The following ATXN2 variants were observed in gnomAD, a reference collection of about 807,000 sequenced individuals.
The protein encoded by ATXN2 is ataxin-2.
A neutral mutation model predicts 138.6 loss-of-function variants in ATXN2; 37 were observed. That is an observed-to-expected ratio of 0.27 (90% CI 0.21 to 0.35). ATXN2 has a LOEUF of 0.35. Among genes scored for constraint, ATXN2 ranks in the 10% least tolerant of loss-of-function variants. The probability of loss-of-function intolerance (pLI) is 1.00; values close to 1 mark genes in which losing one functional copy is unlikely to be tolerated. For missense variants in ATXN2, 1,216 were observed against 1,480.3 expected (o/e 0.82, Z 2.93); for synonymous variants, 549 against 543.7 (o/e 1.01, Z -0.13).
Position 111,598,993 on chromosome 12 carries a change from C to CTGCTGCTGCTGCTGCTGCTGCTGT in ATXN2, c.41_42insACAGCAGCAGCAGCAGCAGCAGCA (p.Gln21_Gln28dup), listed in dbSNP as rs1885107936. On this transcript the variant is annotated inframe_insertion, in exon 1 of 25. Transcript: ENST00000673436. This position sits in a 1 kb window ranked among gnomAD's most constrained non-coding sequence, Gnocchi z 4.5. Reference sequence around the variant, plus strand: ...GCTGCTGCTGTTGCTGCTGCTGCTGCTGCTGCTGCTGCTGCTGCTGCTGCT... The same window carrying CTGCTGCTGCTGCTGCTGCTGCTGT: ...GCTGCTGCTGTTGCTGCTGCTGCTGCTGCTGCTGCTGCTGCTGCTGCTGTTGCTGCTGCTGCTGCTGCTGCTGCT... 9.5e-6 allele frequency: 14 copies of CTGCTGCTGCTGCTGCTGCTGCTGT among 1,479,930 alleles called. No homozygotes were observed. In the African/African-American group the frequency reaches 1.8e-4, roughly 19 times the overall value. 91.7% of individuals were successfully genotyped at this position (1,479,930 alleles called of 1,614,324 possible).
At chr12:111,488,837 T>G in intron 14 of ATXN2, 57 bp from the exon 15 acceptor site, 1 of 1,411,906 alleles carries the variant, frequency 7.1e-7, no homozygotes, top group Middle Eastern at 2.4e-4. Flanking sequence ...TAATACATTT[T>G]TGCCATGAGC....
intron 14 of ATXN2, among the ~76,000 whole-genome samples, chr12:111,495,225 T>C (rs1878335606): frequency 6.6e-6 from 1 of 151,150 alleles, no homozygotes; most frequent in Non-Finnish European, 1.5e-5. Context: ...GGAGAATCGC[T>C]TGAACTCAGG....
chr12:111,487,990 T>C (rs1877753843), intron 15 of ATXN2, among the ~76,000 whole-genome samples: 1 of 152,200 alleles, frequency 6.6e-6, no homozygotes, highest in Non-Finnish European at 1.5e-5. Context: ...ATTTAATTAA[T>C]ATACTGAATG....
At chr12:111,525,885 T>C (rs1350526806) in intron 5 of ATXN2, among the ~76,000 whole-genome samples, 1 of 151,992 alleles carries the variant, frequency 6.6e-6, no homozygotes, top group African/African-American at 2.4e-5. Flanking sequence ...GGTTTCACCG[T>C]GTTAGCCAGG....
intron 10 of ATXN2, among the ~76,000 whole-genome samples, 165 bp from the exon 11 acceptor site, chr12:111,513,704 G>A (rs550699657): frequency 6.7e-6 from 1 of 148,726 alleles, no homozygotes; most frequent in Non-Finnish European, 1.5e-5. Context: ...TATTTTTTTG[G>A]CCATACTAAT....
At chr12:111,469,803 C>G in intron 20 of ATXN2, 2 of 387,956 alleles carry the variant, frequency 5.2e-6, no homozygotes, top group East Asian at 7.5e-5. Flanking sequence ...CAGGATATAC[C>G]AAAGCATAAT....
rs140242317 is a variant in ATXN2 at position 111,464,710 on chromosome 12, G to A, written c.2848C>T (p.Pro950Ser). The A allele has an allele frequency of 1.4e-3, 2,298 of 1,610,932 alleles. 3 individuals carry two copies. Among genetic ancestry groups the A allele is most frequent in the Non-Finnish European group, 1.8e-3 (2,141 of 1,177,712 alleles). ...GTCTCCTTGTTGTATGGTAATTTGG[G>A]ACATGCTGAATTTGGGAAATAGAAA... ...HEQTHAMYAC[P>S]KLPYNKETSP... Residue 950 changes from proline (P) to serine (S), a missense_variant, in exon 21 of 25, where the codon CCC becomes TCC. By Grantham distance (74) the Pro-to-Ser change is moderately conservative (BLOSUM62 -1). Around this residue, in one of 4 missense-constraint regions of ATXN2, gnomAD observed 490 missense variants for 653.5 expected, o/e 0.75. Coordinates refer to ENST00000673436, the MANE Select transcript of ATXN2 (RefSeq NM_001372574.1).
In ATXN2 at chr12:111,475,489, T is replaced by C. The variant is rs1278352969; in HGVS notation, c.2525-4747A>G. 2.0e-4 allele frequency among the ~76,000 whole-genome samples: 28 copies of C among 140,864 alleles called. No individual in the cohort carries two copies. The East Asian group carries it at 5.5e-3, about 28-fold the overall frequency. The allele number at this position is 140,864 out of a possible 152,430, so 92.4% of individuals were successfully genotyped here. ...AAAAAGATTTATCTTTTCTGTTTCTTTTTTTTTTTTTTTTTTTTAAGAGGG... is the reference window on the plus strand; with the variant it reads ...AAAAAGATTTATCTTTTCTGTTTCTCTTTTTTTTTTTTTTTTTTAAGAGGG... On this transcript the variant is annotated intron_variant, in intron 18 of 24. Transcript: ENST00000673436.
chr12:111,598,923 T>C lies in ATXN2; in HGVS notation c.112A>G (p.Lys38Glu), dbSNP rs2135862838. The change falls in exon 1 of 25, where the codon AAG becomes GAG. Residue 38 changes from lysine (K) to glutamate (E), a missense_variant. By Grantham distance (56) the Lys-to-Glu change is moderately conservative. This residue lies in a region of ATXN2 where 110 missense variants were observed against 88.7 expected (regional missense o/e 1.24). Transcript: ENST00000673436. This position sits in a 1 kb window ranked among gnomAD's most constrained non-coding sequence, Gnocchi z 4.5. ...QPPPAAANVR[K>E]PGGSGLLASP... ...GCTAGAAGGCCGCTGCCGCCGGGCT[T>C]GCGGACATTGGCAGCCGCGGGCGGC... The C allele has an allele frequency of 1.3e-6, 2 of 1,511,412 alleles. No individual in the cohort carries two copies. Among genetic ancestry groups the C allele is most frequent in the Middle Eastern group, 2.3e-4 (1 of 4,364 alleles). The allele number at this position is 1,511,412 out of a possible 1,614,324, so 93.6% of individuals were successfully genotyped here.
rs191808783 is a variant in ATXN2 at position 111,522,659 on chromosome 12, T to G, written c.697-1686A>C. Among the ~76,000 whole-genome samples, 4 of 152,076 alleles carry G rather than the reference T, an allele frequency of 2.6e-5. No individual in the cohort carries two copies. The East Asian group carries it at 7.7e-4, about 29-fold the overall frequency. On this transcript the variant is annotated intron_variant, in intron 6 of 24. Coordinates refer to ENST00000673436, the MANE Select transcript of ATXN2 (RefSeq NM_001372574.1). ...CGGGCGCAGTGGCTCATGCCTGTAA[T>G]CCCAGCACTTTGAGAGGCCAAGGTG...
chr12:111,562,636 C>T (rs1444717927), intron 1 of ATXN2, among the ~76,000 whole-genome samples: 3 of 147,862 alleles, frequency 2.0e-5, no homozygotes, highest in African/African-American at 2.5e-5. Flanking sequence ...AGGAGAACTG[C>T]TTGAACCCGG....
At chr12:111,464,247 G>GGGGTGTGTGTGT (rs71445545) in intron 21 of ATXN2, among the ~76,000 whole-genome samples, 11 of 134,630 alleles carry the variant, frequency 8.2e-5, no homozygotes, top group South Asian at 2.5e-4. Flanking sequence ...TGTGGCTTGG[G>GGGGTGTGTGTGT]GTGTGTGTGT....
intron 14 of ATXN2, among the ~76,000 whole-genome samples, chr12:111,504,783 G>A (rs962106275): frequency 2.0e-5 from 3 of 152,106 alleles, no homozygotes; most frequent in African/African-American, 7.2e-5. Flanking sequence ...AATGGGCTGA[G>A]CACCAAGTCA....
Position 111,513,419 on chromosome 12 carries a change from G to C in ATXN2, c.1496C>G (p.Ala499Gly). 1 of 1,614,038 alleles carries C rather than the reference G, an allele frequency of 6.2e-7. No homozygotes were observed. Among genetic ancestry groups the C allele is most frequent in the East Asian group, 2.2e-5 (1 of 44,870 alleles). ...FVSHNPPSEA[A>G]TPPVARTSPS... is the part of the protein sequence containing the mutation. ...ACTGGTCCTTGCTACTGGAGGAGTA[G>C]CTGCTTCACTGGGTGGGTTGTGGGA... The change falls in exon 11 of 25, where the codon GCT (alanine) becomes GGT (glycine). Residue 499 changes from alanine to glycine, a missense_variant. By Grantham distance (60) the Ala-to-Gly change is moderately conservative. This residue lies in a region of ATXN2 where 215 missense variants were observed against 210.0 expected (regional missense o/e 1.02). Coordinates refer to ENST00000673436, the MANE Select transcript of ATXN2 (RefSeq NM_001372574.1).
chr12:111,490,642 T>C (rs1409309482), intron 14 of ATXN2, among the ~76,000 whole-genome samples: 1 of 152,046 alleles, frequency 6.6e-6, no homozygotes. Flanking sequence ...AGCACCTTCA[T>C]AAGAACCAAA....
chr12:111,479,029 A>T (rs1196904781), intron 18 of ATXN2: 2 of 351,140 alleles, frequency 5.7e-6, no homozygotes, highest in East Asian at 4.0e-5. Context: ...AATAAATAAA[A>T]AATAAAATAA....
rs1414599707 is a variant in ATXN2 at position 111,485,288 on chromosome 12, G to C, written c.2501C>G (p.Ala834Gly). 1 of 1,612,776 alleles carries C rather than the reference G, an allele frequency of 6.2e-7. No individual in the cohort carries two copies. ...IPMTPMPVNQ[A>G]KTYRAGKVPN... is the part of the protein sequence containing the mutation. ...ACCTTTACCTGCTCTATATGTCTTG[G>C]CTTGATTCACTGGCATGGGCGTCAT... The change falls in exon 18 of 25, where the codon GCC becomes GGC. Residue 834 changes from alanine (A) to glycine (G), a missense_variant. Physicochemically the swap from Ala to Gly is moderately conservative, Grantham distance 60. This residue lies in a region of ATXN2 where 490 missense variants were observed against 653.5 expected (regional missense o/e 0.75). Transcript: ENST00000673436.
chr12:111,589,216 G>C (rs1251726487), intron 1 of ATXN2, among the ~76,000 whole-genome samples: 1 of 151,740 alleles, frequency 6.6e-6, no homozygotes, highest in Non-Finnish European at 1.5e-5. Context: ...TCAGGAGGCT[G>C]AGGCAGGACA....
At chr12:111,592,337 GC>G (rs942868076) in intron 1 of ATXN2, among the ~76,000 whole-genome samples, 1 of 151,900 alleles carries the variant, frequency 6.6e-6, no homozygotes, top group Non-Finnish European at 1.5e-5. Context: ...GTTGCAGTGA[GC>G]CAAGATCACG....
Sources: gnomAD v4.1 joint callset for allele counts (sites outside exome capture counted in the v4.1 genomes callset) on GRCh38, gnomAD v4.1.1 for gene constraint, gnomAD v4.1.1 regional missense constraint, Gnocchi (gnomAD v3.1) non-coding constraint, MANE v1.5 for transcripts, NCBI Gene and HGNC (gene_info 2026-07-23, HGNC 2026-07-21) for gene names.